Variants in KNCN observed in about 807,000 individuals in gnomAD.
The protein encoded by KNCN is kinocilin.
In KNCN, 11 loss-of-function variants were observed where a neutral mutation model predicts 10.4. The observed-to-expected ratio is 1.06, with a 90% CI of 0.67 to 1.75. KNCN has a LOEUF of 1.75. Ranked by LOEUF, KNCN falls within the 40% of genes most tolerant of loss-of-function variation. KNCN has a pLI of 0.00. For missense variants in KNCN, 172 were observed against 167.1 expected (o/e 1.03, Z -0.16); for synonymous variants, 67 against 71.6 (o/e 0.94, Z 0.33).
At position 46,546,530 on chromosome 1, in the gene KNCN, A is replaced by G. The variant is rs963793332; in HGVS notation, c.*1200T>C. ...AGGCCAGAGGCCGTATGGAGAGGGT[A>G]TCTCTGTAGAGGTCAAACAACTCTG... is the stretch of plus-strand genomic sequence containing the variant. On this transcript the variant is annotated 3_prime_UTR_variant, in exon 4 of 4. Transcript: ENST00000481882. 6.6e-6 allele frequency: 1 copy of G among 152,262 alleles called. No homozygotes were observed. Among genetic ancestry groups the G allele is most frequent in the African/African-American group, 2.4e-5 (1 of 41,456 alleles). The allele number at this position is 152,262 out of a possible 1,614,324, so 9.4% of individuals were successfully genotyped here.
At position 46,546,506 on chromosome 1, in the gene KNCN, G is replaced by C. The variant is rs1666945361; in HGVS notation, c.*1224C>G. 6.6e-6 allele frequency: 1 copy of C among 152,260 alleles called. No homozygotes were observed. Among genetic ancestry groups the C allele is most frequent in the African/African-American group, 2.4e-5 (1 of 41,450 alleles). The allele number at this position is 152,260 out of a possible 1,614,324, so 9.4% of individuals were successfully genotyped here. On this transcript the variant is annotated 3_prime_UTR_variant, in exon 4 of 4. Coordinates refer to ENST00000481882, the MANE Select transcript of KNCN (RefSeq NM_001322255.2). Reference sequence around the variant, plus strand: ...AGCTTGTCTTCTGCTCACTAAACCAGGCCAGAGGCCGTATGGAGAGGGTAT... The same window carrying C: ...AGCTTGTCTTCTGCTCACTAAACCACGCCAGAGGCCGTATGGAGAGGGTAT...
At chr1:46,548,703 G>T (rs554934479) in intron 3 of KNCN, among the ~76,000 whole-genome samples, 1 of 152,326 alleles carries the variant, frequency 6.6e-6, no homozygotes, top group South Asian at 2.1e-4. Context: ...GAGGAGATCA[G>T]TTCAGCTTGG....
In KNCN at chr1:46,551,049, C is replaced by T. The variant is rs200482092; in HGVS notation, c.151+16G>A. 122 of 1,572,660 alleles carry T rather than the reference C, an allele frequency of 7.8e-5. 3 individuals carry two copies. The highest frequency in any genetic ancestry group is 7.4e-4 in the African/African-American group (54 of 72,972). ...CCAGAATCTCCCTTCCCTATCCCAGCCCAGCCCCTGCTCACCCAGAACAGC... is the reference window on the plus strand; with the variant it reads ...CCAGAATCTCCCTTCCCTATCCCAGTCCAGCCCCTGCTCACCCAGAACAGC... On this transcript the variant is annotated intron_variant, in intron 1 of 3. Coordinates refer to ENST00000481882, the MANE Select transcript of KNCN (RefSeq NM_001322255.2). This position sits in a 1 kb window ranked among gnomAD's most constrained non-coding sequence, Gnocchi z 4.0.
At position 46,546,751 on chromosome 1, in the gene KNCN, G is replaced by A. The variant is rs1451300816; in HGVS notation, c.*979C>T. The A allele has an allele frequency of 6.5e-6, 1 of 153,726 alleles. No individual in the cohort carries two copies. Among genetic ancestry groups the A allele is most frequent in the Non-Finnish European group, 1.4e-5 (1 of 69,054 alleles). The allele number at this position is 153,726 out of a possible 1,614,324, so 9.5% of individuals were successfully genotyped here. On this transcript the variant is annotated 3_prime_UTR_variant, in exon 4 of 4. Transcript: ENST00000481882. ...TCTGGTGCTAGACACTAGAGCAGGG[G>A]CAACGTTCAGTAGACTTAAGATGGT...
In KNCN at chr1:46,549,223, C is replaced by T; in HGVS notation, c.265G>A (p.Gly89Arg). 1.9e-6 allele frequency: 3 copies of T among 1,613,446 alleles called. No individual in the cohort carries two copies. The highest frequency in any genetic ancestry group is 2.5e-6 in the Non-Finnish European group (3 of 1,179,612). ...HPHPGADHGE[G>R]RSSTNGNKEG... Reference sequence around the variant, plus strand: ...TTGTTGCCATTGGTGCTGGATCTTCCTTCCCCGTGGTCTGCCCCTGGATGG... The same window carrying T: ...TTGTTGCCATTGGTGCTGGATCTTCTTTCCCCGTGGTCTGCCCCTGGATGG... The change falls in exon 3 of 4, where the codon GGA becomes AGA. Residue 89 changes from glycine (G) to arginine (R), a missense_variant. Gly to Arg is a moderately radical substitution (Grantham distance 125). Transcript: ENST00000481882.
chr1:46,546,119 T>C lies in KNCN; in HGVS notation c.*1611A>G, dbSNP rs1666936347. ...TTGTCAGAGAACTGATCCCTGCCAC[T>C]TGTGCAGAGGACAGCAGAAGATAGA... On this transcript the variant is annotated 3_prime_UTR_variant, in exon 4 of 4. Transcript: ENST00000481882. 1 of 152,180 alleles carries C rather than the reference T, an allele frequency of 6.6e-6. No homozygotes were observed. The highest frequency in any genetic ancestry group is 1.5e-5 in the Non-Finnish European group (1 of 68,052). 9.4% of individuals were successfully genotyped at this position (152,180 alleles called of 1,614,324 possible).
intron 1 of KNCN, 81 bp from the exon 2 acceptor site, chr1:46,550,083 G>A: frequency 1.3e-6 from 2 of 1,548,424 alleles, no homozygotes. Flanking sequence ...GAGCCTGAGG[G>A]GTGGTTTGTG....
intron 3 of KNCN, 90 bp from the exon 4 acceptor site, chr1:46,547,899 C>A (rs777470416): frequency 1.0e-6 from 1 of 962,354 alleles, no homozygotes; most frequent in Non-Finnish European, 1.5e-6. Context: ...GACCCAAGGC[C>A]GGGGTGCCTG....
At position 46,546,640 on chromosome 1, in the gene KNCN, G is replaced by T. The variant is rs907662216; in HGVS notation, c.*1090C>A. On this transcript the variant is annotated 3_prime_UTR_variant, in exon 4 of 4. Coordinates refer to ENST00000481882, the MANE Select transcript of KNCN (RefSeq NM_001322255.2). The stretch of plus-strand genomic sequence containing the variant: ...TCCTTGCTCTACCCACGGTAGATGG[G>T]ACTTTGAAGTGGCTTCCCAGGGAAA... The T allele has an allele frequency of 6.6e-6, 1 of 152,332 alleles. No homozygotes were observed. The highest frequency in any genetic ancestry group is 1.5e-5 in the Non-Finnish European group (1 of 68,140). 9.4% of individuals were successfully genotyped at this position (152,332 alleles called of 1,614,324 possible).
At chr1:46,550,993 T>C (rs2148509993) in intron 1 of KNCN, 72 bp downstream of exon 1, 1 of 1,393,862 alleles carries the variant, frequency 7.2e-7, no homozygotes, top group East Asian at 2.5e-5. Context: ...CCCTGTTCCT[T>C]GTTCACCTGA....
At chr1:46,550,990 C>G (rs1667054571) in intron 1 of KNCN, 75 bp downstream of exon 1, 3 of 1,376,248 alleles carry the variant, frequency 2.2e-6, no homozygotes, top group Non-Finnish European at 9.9e-7. Flanking sequence ...CTTCCCTGTT[C>G]CTTGTTCACC....
At chr1:46,550,120 C>A in intron 1 of KNCN, 118 bp from the exon 2 acceptor site, 1 of 1,527,882 alleles carries the variant, frequency 6.5e-7, no homozygotes, top group Non-Finnish European at 8.8e-7. Flanking sequence ...GGGAGGAGCA[C>A]AGTGTGCAGA....
At position 46,546,243 on chromosome 1, in the gene KNCN, T is replaced by C. The variant is rs1430224475; in HGVS notation, c.*1487A>G. On this transcript the variant is annotated 3_prime_UTR_variant, in exon 4 of 4. Coordinates refer to ENST00000481882, the MANE Select transcript of KNCN (RefSeq NM_001322255.2). ...GTCCTTTTTCCAGTGGGGCCTCAGC[T>C]TTCCCATCTGAGATGGACTCTGTGC... The C allele has an allele frequency of 6.6e-6, 1 of 152,238 alleles. No homozygotes were observed. Among genetic ancestry groups the C allele is most frequent in the African/African-American group, 2.4e-5 (1 of 41,464 alleles). The allele number at this position is 152,238 out of a possible 1,614,324, so 9.4% of individuals were successfully genotyped here. A position where few individuals can be genotyped will look rare whatever the true frequency, so the allele number is the denominator to read the frequency against.
In KNCN at chr1:46,551,357, G is replaced by T; in HGVS notation, c.-142C>A. 1.1e-6 allele frequency: 1 copy of T among 871,024 alleles called. No homozygotes were observed. Among genetic ancestry groups the T allele is most frequent in the Non-Finnish European group, 1.7e-6 (1 of 588,050 alleles). 54.0% of individuals were successfully genotyped at this position (871,024 alleles called of 1,614,324 possible). ...TCTGGGCAGTAAGATGATAGGTGGGGAACCCTGGGATTTATCTGCAGTCCT... is the reference window on the plus strand; with the variant it reads ...TCTGGGCAGTAAGATGATAGGTGGGTAACCCTGGGATTTATCTGCAGTCCT... On this transcript the variant is annotated 5_prime_UTR_variant, in exon 1 of 4. Transcript: ENST00000481882. The surrounding 1 kb of genome is among the most constrained non-coding windows in gnomAD (Gnocchi z 4.0).
Position 46,545,754 on chromosome 1 carries a change from G to C in KNCN, c.*1976C>G, listed in dbSNP as rs1666925886. On this transcript the variant is annotated 3_prime_UTR_variant, in exon 4 of 4. Transcript: ENST00000481882. ...CCCTGGGGAGAGCATGGCTGAGAGGGGTTGATGGGCAGGGGGGAGGGAACC... is the reference window on the plus strand; with the variant it reads ...CCCTGGGGAGAGCATGGCTGAGAGGCGTTGATGGGCAGGGGGGAGGGAACC... The C allele has an allele frequency of 6.6e-6, 1 of 152,308 alleles. No homozygotes were observed. Among genetic ancestry groups the C allele is most frequent in the Non-Finnish European group, 1.5e-5 (1 of 68,154 alleles). 9.4% of individuals were successfully genotyped at this position (152,308 alleles called of 1,614,324 possible). A position where few individuals can be genotyped will look rare whatever the true frequency, so the allele number is the denominator to read the frequency against.
intron 3 of KNCN, 100 bp from the exon 4 acceptor site, chr1:46,547,909 G>C: frequency 1.2e-6 from 1 of 817,076 alleles, no homozygotes; most frequent in Non-Finnish European, 1.9e-6. Context: ...CGGGGTGCCT[G>C]GTTGACCCCA....
At chr1:46,548,994 A>C (rs1667005716) in intron 3 of KNCN, among the ~76,000 whole-genome samples, 199 bp downstream of exon 3, 1 of 152,166 alleles carries the variant, frequency 6.6e-6, no homozygotes, top group Non-Finnish European at 1.5e-5. Flanking sequence ...TACAAAAATT[A>C]GCCAGGCGTG....
intron 3 of KNCN, 105 bp from the exon 4 acceptor site, chr1:46,547,914 A>AC: frequency 1.3e-6 from 1 of 750,388 alleles, no homozygotes; most frequent in East Asian, 2.8e-5. Context: ...TGCCTGGTTG[A>AC]CCCCAGGGCA....
intron 3 of KNCN, among the ~76,000 whole-genome samples, chr1:46,548,662 TG>T (rs1183611914): frequency 1.3e-5 from 2 of 152,092 alleles, no homozygotes; most frequent in Admixed American, 6.5e-5. Context: ...GTGTCCACGC[TG>T]GGCAAGACAG....
Sources: gnomAD v4.1 joint callset for allele counts (sites outside exome capture counted in the v4.1 genomes callset) on GRCh38, gnomAD v4.1.1 for gene constraint, Gnocchi (gnomAD v3.1) non-coding constraint, MANE v1.5 for transcripts, NCBI Gene and HGNC (gene_info 2026-07-23, HGNC 2026-07-21) for gene names.